Variants in AKAP9 observed in about 807,000 individuals in gnomAD.
The protein encoded by AKAP9 is A-kinase anchor protein 9.
AKAP9 carries 311 observed loss-of-function variants against 488.5 expected under a neutral mutation model. The observed-to-expected ratio is 0.64, with a 90% CI of 0.58 to 0.70. AKAP9 has a LOEUF of 0.70. Among genes scored for constraint, AKAP9 ranks in the 30% least tolerant of loss-of-function variants. AKAP9 has a pLI of 0.00. For synonymous variants in AKAP9, 1,462 were observed against 1,483.5 expected (o/e 0.99, Z 0.33); for missense variants, 4,215 against 4,374.5 (o/e 0.96, Z 1.03).
intron 1 of AKAP9, among the ~76,000 whole-genome samples, chr7:91,959,471 A>G (rs960086793): frequency 1.3e-5 from 2 of 152,020 alleles, no homozygotes; most frequent in South Asian, 4.2e-4. Context: ...TTAAAAAAAA[A>G]AAAAAATTTA....
rs1799331754 is a variant in AKAP9 at position 92,002,803 on chromosome 7, T to C, written c.2886T>C (p.Leu962=). The part of the protein sequence containing the change: ...KLELSQRLSD[L]SEQLKQKHGE... ...AGCTGTCACAGAGACTGTCTGATCT[T>C]TCTGAACAATTGAAACAGAAACATG... The change falls in exon 8 of 50, where the codon CTT becomes CTC. Residue 962 remains leucine (L), a synonymous_variant. Transcript: ENST00000356239. The C allele has an allele frequency of 6.2e-7, 1 of 1,613,664 alleles. No individual in the cohort carries two copies. Among genetic ancestry groups the C allele is most frequent in the Non-Finnish European group, 8.5e-7 (1 of 1,179,712 alleles).
chr7:92,098,872 C>T (rs544381007), intron 43 of AKAP9, among the ~76,000 whole-genome samples: 1 of 152,290 alleles, frequency 6.6e-6, no homozygotes, highest in South Asian at 2.1e-4. Context: ...AAACCTCACC[C>T]TTATGGAGCT....
At chr7:92,087,729 T>G (rs1282190503) in intron 37 of AKAP9, among the ~76,000 whole-genome samples, 1 of 151,854 alleles carries the variant, frequency 6.6e-6, no homozygotes, top group Non-Finnish European at 1.5e-5. Flanking sequence ...GTTCAAAGAA[T>G]GAAGGGAACA....
At chr7:91,991,344 C>T (rs1249650950) in intron 3 of AKAP9, among the ~76,000 whole-genome samples, 1 of 151,996 alleles carries the variant, frequency 6.6e-6, no homozygotes, top group East Asian at 1.9e-4. Context: ...AGTATGTTGC[C>T]CACAGTGGAG....
At chr7:91,973,285 G>C (rs150756296) in intron 1 of AKAP9, among the ~76,000 whole-genome samples, 42 of 152,328 alleles carry the variant, frequency 2.8e-4, no homozygotes, top group African/African-American at 9.4e-4. Context: ...GGGGGCTGAA[G>C]TGGGAGGATC....
intron 20 of AKAP9, among the ~76,000 whole-genome samples, chr7:92,044,124 C>T (rs963961233): frequency 2.0e-5 from 3 of 151,934 alleles, no homozygotes; most frequent in African/African-American, 7.3e-5. Context: ...TTTTAAAATA[C>T]GTATATATTT....
intron 22 of AKAP9, among the ~76,000 whole-genome samples, chr7:92,055,072 G>C (rs1208897459): frequency 6.6e-6 from 1 of 151,904 alleles, no homozygotes; most frequent in Non-Finnish European, 1.5e-5. Flanking sequence ...AGCCATAGGA[G>C]GTTATTTACC....
At chr7:92,052,463 GT>G (rs917313602) in intron 21 of AKAP9, among the ~76,000 whole-genome samples, 4 of 130,294 alleles carry the variant, frequency 3.1e-5, no homozygotes, top group Non-Finnish European at 6.7e-5. Context: ...TATCTTAGAA[GT>G]TTTTATCAAA....
At chr7:91,994,487 T>C (rs1354776513) in intron 5 of AKAP9, 134 bp from the exon 6 acceptor site, 2 of 816,226 alleles carry the variant, frequency 2.5e-6, no homozygotes, top group Non-Finnish European at 1.9e-6. Flanking sequence ...AGTTAATAGT[T>C]TTCAAATGTG....
chr7:92,039,616 A>G (rs1805733601), intron 17 of AKAP9, among the ~76,000 whole-genome samples: 1 of 152,184 alleles, frequency 6.6e-6, no homozygotes, highest in Admixed American at 6.5e-5. Context: ...ACATTATCTG[A>G]ATTAAAATTT....
At chr7:92,063,821 C>T (rs1810311754) in intron 24 of AKAP9, among the ~76,000 whole-genome samples, 1 of 152,086 alleles carries the variant, frequency 6.6e-6, no homozygotes, top group African/African-American at 2.4e-5. Context: ...TGCTCAATCA[C>T]CCAGGCTAGA....
chr7:91,971,688 C>T (rs555013462), intron 1 of AKAP9, among the ~76,000 whole-genome samples: 15 of 151,378 alleles, frequency 9.9e-5, no homozygotes, highest in Middle Eastern at 3.4e-3. Flanking sequence ...CTGCCTCAGC[C>T]TCCCGAATAG....
chr7:92,052,521 A>G (rs1020833409), intron 21 of AKAP9, among the ~76,000 whole-genome samples: 1 of 152,200 alleles, frequency 6.6e-6, no homozygotes, highest in African/African-American at 2.4e-5. Flanking sequence ...GCAAATTCCT[A>G]TTAGCATAAC....
chr7:92,036,896 G>A (rs1185774134), intron 16 of AKAP9, among the ~76,000 whole-genome samples: 1 of 152,186 alleles, frequency 6.6e-6, no homozygotes, highest in Non-Finnish European at 1.5e-5. Context: ...TGACATCGTT[G>A]TTACCAAACC....
intron 1 of AKAP9, among the ~76,000 whole-genome samples, chr7:91,973,204 T>C (rs1027066375): frequency 2.6e-5 from 4 of 152,120 alleles, no homozygotes; most frequent in Admixed American, 2.6e-4. Context: ...GGCAAAAATC[T>C]GTCTGTACAA....
At chr7:91,950,473 G>T (rs939819995) in intron 1 of AKAP9, among the ~76,000 whole-genome samples, 1 of 151,968 alleles carries the variant, frequency 6.6e-6, no homozygotes, top group East Asian at 1.9e-4. Context: ...CTCATGATCC[G>T]CCTGCCTCGG....
intron 22 of AKAP9, among the ~76,000 whole-genome samples, chr7:92,055,558 A>G (rs1160351659): frequency 6.6e-6 from 1 of 152,132 alleles, no homozygotes; most frequent in African/African-American, 2.4e-5. Context: ...TTTGTTTAGG[A>G]AACAACTCTA....
At chr7:91,954,993 T>G (rs999269226) in intron 1 of AKAP9, among the ~76,000 whole-genome samples, 1 of 152,244 alleles carries the variant, frequency 6.6e-6, no homozygotes, top group Non-Finnish European at 1.5e-5. Context: ...AACTGTACTT[T>G]ATAGATGATT....
At chr7:91,948,596 T>G (rs1357922355) in intron 1 of AKAP9, among the ~76,000 whole-genome samples, 1 of 132,662 alleles carries the variant, frequency 7.5e-6, no homozygotes, top group Admixed American at 8.8e-5. Context: ...TTTGGCCACT[T>G]GTAGATTTCT....
Sources: gnomAD v4.1 joint callset for allele counts (sites outside exome capture counted in the v4.1 genomes callset) on GRCh38, gnomAD v4.1.1 for gene constraint, MANE v1.5 for transcripts, NCBI Gene and HGNC (gene_info 2026-07-23, HGNC 2026-07-21) for gene names.